MMP26: variants seen among roughly 807,000 people sequenced by gnomAD.
The protein encoded by MMP26 is matrix metallopeptidase 26.
MMP26 carries 33 observed loss-of-function variants against 31.0 expected under a neutral mutation model. The ratio of observed to expected loss-of-function variants is 1.06; its 90% CI spans 0.81 to 1.42. The LOEUF (loss-of-function observed/expected upper bound fraction) is 1.42, where lower values mean the gene tolerates loss of function less well. MMP26 is among the 40% of genes most tolerant of loss of function. The pLI, the probability that MMP26 is intolerant of heterozygous loss-of-function variation, is 0.00. For missense variants in MMP26, 347 were observed against 316.1 expected (o/e 1.10, Z -0.74); for synonymous variants, 122 against 114.9 (o/e 1.06, Z -0.40).
intron 1 of MMP26, among the ~76,000 whole-genome samples, chr11:4,722,523 AG>A (rs1214726547): frequency 9.5e-6 from 1 of 105,454 alleles, no homozygotes; most frequent in South Asian, 2.8e-4. Context: ...TATTTAGGAC[AG>A]GAAAAAAAAA....
chr11:4,773,595 G>GTTTT (rs3065888), intron 2 of MMP26, among the ~76,000 whole-genome samples: 27 of 108,386 alleles, frequency 2.5e-4, no homozygotes, highest in African/African-American at 8.2e-4. Flanking sequence ...TGTTTGTGGG[G>GTTTT]TTTTTTTTTT....
intron 5 of MMP26, among the ~76,000 whole-genome samples, 179 bp downstream of exon 5, chr11:4,990,925 T>C (rs998011538): frequency 6.6e-6 from 1 of 152,056 alleles, no homozygotes; most frequent in Non-Finnish European, 1.5e-5. Context: ...AATGAAGCAA[T>C]AAATAAAGAA....
chr11:4,951,400 TA>T (rs1292363245), intron 2 of MMP26, among the ~76,000 whole-genome samples: 1 of 124,720 alleles, frequency 8.0e-6, no homozygotes, highest in East Asian at 2.3e-4. Context: ...GTATGCTTTT[TA>T]AAGTGCTACC....
chr11:4,908,606 T>C (rs367703637), intron 2 of MMP26: 2 of 430,418 alleles, frequency 4.6e-6, no homozygotes, highest in Non-Finnish European at 8.6e-6. Context: ...TTTGGGCAGA[T>C]TGAGATTACC....
chr11:4,721,180 C>T (rs1288730676), intron 1 of MMP26, among the ~76,000 whole-genome samples: 1 of 152,116 alleles, frequency 6.6e-6, no homozygotes, highest in Non-Finnish European at 1.5e-5. Flanking sequence ...GCTGAGAAAG[C>T]CAATAGCCAC....
chr11:4,936,576 G>A (rs138797481), intron 2 of MMP26, among the ~76,000 whole-genome samples: 2,306 of 152,194 alleles, frequency 0.015, 61 homozygotes, highest in African/African-American at 0.053. Context: ...AAAATAGTTA[G>A]ATCTTCACTG....
intron 2 of MMP26, among the ~76,000 whole-genome samples, chr11:4,947,830 A>G (rs1417207560): frequency 3.2e-5 from 4 of 125,110 alleles, no homozygotes; most frequent in African/African-American, 8.1e-5. Context: ...ATAAGGAACA[A>G]TTTTGTTGGA....
At chr11:4,964,054 G>A (rs945885404) in intron 2 of MMP26, among the ~76,000 whole-genome samples, 9 of 152,090 alleles carry the variant, frequency 5.9e-5, no homozygotes, top group African/African-American at 2.2e-4. Flanking sequence ...CTCTCATTAT[G>A]TAGGTTGTCT....
chr11:4,825,189 G>T (rs1200989411), intron 2 of MMP26, among the ~76,000 whole-genome samples: 1 of 152,068 alleles, frequency 6.6e-6, no homozygotes, highest in African/African-American at 2.4e-5. Flanking sequence ...AAAGTAAGAA[G>T]GGATCTGTTT....
At chr11:4,909,455 A>G (rs1850956978) in intron 2 of MMP26, 1 of 152,168 alleles carries the variant, frequency 6.6e-6, no homozygotes, top group South Asian at 2.1e-4. Flanking sequence ...GGCATAGGTG[A>G]CTGAATATTC....
chr11:4,797,088 T>C (rs988640951), intron 2 of MMP26, among the ~76,000 whole-genome samples: 3 of 152,126 alleles, frequency 2.0e-5, no homozygotes, highest in Non-Finnish European at 4.4e-5. Context: ...CTTGTCATAT[T>C]TAACACTTCC....
Position 4,803,849 on chromosome 11 carries a change from G to A in MMP26, c.-145+36508G>A, listed in dbSNP as rs576745430. ...GCCATGTGCTCACAGTATGACTGGGGAATGGCTTGGTGTTGGCAGAAGGGC... is the reference window on the plus strand; with the variant it reads ...GCCATGTGCTCACAGTATGACTGGGAAATGGCTTGGTGTTGGCAGAAGGGC... On this transcript the variant is annotated intron_variant, in intron 2 of 7. Transcript: ENST00000380390. The A allele has an allele frequency of 1.6e-5, 25 of 1,612,868 alleles. No homozygotes were observed. Among genetic ancestry groups the A allele is most frequent in the Middle Eastern group, 1.6e-4 (1 of 6,062 alleles).
chr11:4,857,089 T>TTA (rs1426531968), intron 2 of MMP26, among the ~76,000 whole-genome samples: 1 of 152,070 alleles, frequency 6.6e-6, no homozygotes, highest in Non-Finnish European at 1.5e-5. Flanking sequence ...AGAGGGAAAT[T>TTA]TATAGCACTA....
At chr11:4,818,525 G>T (rs1849451450) in intron 2 of MMP26, among the ~76,000 whole-genome samples, 1 of 151,492 alleles carries the variant, frequency 6.6e-6, no homozygotes, top group East Asian at 1.9e-4. Flanking sequence ...AAATAACTTT[G>T]GTTTTATTTT....
intron 2 of MMP26, chr11:4,945,350 C>T (rs2133605189): frequency 6.6e-6 from 1 of 152,258 alleles, no homozygotes; most frequent in South Asian, 2.1e-4. Flanking sequence ...AATTCAAAAA[C>T]TGTTCAGTAG....
chr11:4,864,611 C>T (rs73403098), intron 2 of MMP26, among the ~76,000 whole-genome samples: 2,513 of 152,180 alleles, frequency 0.017, 75 homozygotes, highest in African/African-American at 0.057. Flanking sequence ...ACATTAAAAG[C>T]TAGGGCTTTA....
rs893681142 is a variant in MMP26, at chr11:4,782,976, G to A, written c.-145+15635G>A. Among the ~76,000 whole-genome samples, 3 of 152,352 alleles carry A rather than the reference G, an allele frequency of 2.0e-5. No homozygotes were observed. In the East Asian group the frequency reaches 5.8e-4, roughly 29 times the overall value. ...ATGGAAATGCCTGGATACCCAGGCA[G>A]AAGTTGGCTGTAGGGGTGGGGCTGT... On this transcript the variant is annotated intron_variant, in intron 2 of 7. Transcript: ENST00000380390.
At chr11:4,857,632 A>T (rs1273346094) in intron 2 of MMP26, among the ~76,000 whole-genome samples, 1 of 152,210 alleles carries the variant, frequency 6.6e-6, no homozygotes, top group Non-Finnish European at 1.5e-5. Context: ...TCACAGCCGA[A>T]TTCTACCAGA....
intron 1 of MMP26, among the ~76,000 whole-genome samples, chr11:4,749,359 C>T (rs1369275805): frequency 2.0e-5 from 3 of 151,614 alleles, no homozygotes; most frequent in Non-Finnish European, 4.4e-5. Flanking sequence ...ACCATACTGC[C>T]AAAGCAATCT....
Sources: gnomAD v4.1 joint callset for allele counts (sites outside exome capture counted in the v4.1 genomes callset) on GRCh38, gnomAD v4.1.1 for gene constraint, MANE v1.5 for transcripts, NCBI Gene and HGNC (gene_info 2026-07-23, HGNC 2026-07-21) for gene names.